The following CDC123 variants were observed in gnomAD, a reference collection of about 807,000 sequenced individuals.
CDC123 encodes cell division cycle 123, also known as translation initiation factor eIF2 assembly protein.
Under a neutral mutation model 54.4 loss-of-function variants are expected in CDC123, and 37 were observed. The ratio of observed to expected loss-of-function variants is 0.68; its 90% confidence interval spans 0.52 to 0.89. CDC123 has a LOEUF of 0.89. Among genes scored for constraint, CDC123 ranks in the 40% least tolerant of loss-of-function variants. CDC123 has a pLI of 0.00. For synonymous variants in CDC123, 144 were observed against 136.8 expected, an observed-to-expected ratio of 1.05 and a Z score of -0.37; for missense variants, 361 against 412.1, an observed-to-expected ratio of 0.88 and a Z score of 1.07.
intron 10 of CDC123, among the ~76,000 whole-genome samples, chr10:12,240,305 C>G (rs1330294448): frequency 6.6e-6 from 1 of 152,124 alleles, no homozygotes; most frequent in African/African-American, 2.4e-5. Flanking sequence ...TGTGAAGAAG[C>G]TAGCAGATGC....
intron 2 of CDC123, among the ~76,000 whole-genome samples, chr10:12,203,505 T>G (rs1835471700): frequency 6.6e-6 from 1 of 152,192 alleles, no homozygotes; most frequent in South Asian, 2.1e-4. Context: ...TAGAGGATTC[T>G]GAGGCTGCAT....
At chr10:12,217,962 G>A (rs1835683477) in intron 6 of CDC123, among the ~76,000 whole-genome samples, 1 of 152,064 alleles carries the variant, frequency 6.6e-6, no homozygotes, top group African/African-American at 2.4e-5. Context: ...GGTGGCACGT[G>A]CCTATAGTCT....
rs1334704684 is a variant in CDC123 at position 12,249,707 on chromosome 10, T to C, written c.973T>C (p.Phe325Leu). The part of the protein sequence containing the change: ...TGEDAHKLID[F>L]LKLKRNQQED... The stretch of plus-strand genomic sequence containing the variant: ...GGAGGACGCTCACAAGCTAATAGAC[T>C]TCCTTAAGCTGGTAAAGTCTATGTG... The change falls in exon 12 of 13, where the codon TTC (phenylalanine) becomes CTC (leucine). Residue 325 changes from phenylalanine (F) to leucine (L), a missense_variant. Coordinates refer to ENST00000281141, the MANE Select transcript of CDC123 (RefSeq NM_006023.3). The C allele has an allele frequency of 1.9e-6, 3 of 1,608,404 alleles. No homozygotes were observed. The highest frequency in any genetic ancestry group is 2.2e-5 in the South Asian group (2 of 89,606).
At position 12,217,325 on chromosome 10, in the gene CDC123, G is replaced by C. The variant is rs1835675680; in HGVS notation, c.334-36G>C. 4 of 1,589,368 alleles carry C rather than the reference G, an allele frequency of 2.5e-6. No individual in the cohort carries two copies. In the South Asian group the frequency reaches 4.5e-5, roughly 18 times the overall value. On this transcript the variant is annotated intron_variant, in intron 5 of 12. Transcript: ENST00000281141. ...CTGAGCATTCATAGCAGCCAACATG[G>C]AATATGGACTAAATAGCATGTGCTT...
intron 4 of CDC123, among the ~76,000 whole-genome samples, chr10:12,211,377 A>G (rs1835598434): frequency 6.6e-6 from 1 of 152,170 alleles, no homozygotes; most frequent in African/African-American, 2.4e-5. Context: ...TTAATGAACA[A>G]GATATGATTG....
intron 7 of CDC123, among the ~76,000 whole-genome samples, chr10:12,234,724 T>G (rs1480307558): frequency 6.6e-6 from 1 of 151,930 alleles, no homozygotes; most frequent in African/African-American, 2.4e-5. Context: ...AGATCACAAC[T>G]CTATTCCCTA....
intron 7 of CDC123, among the ~76,000 whole-genome samples, chr10:12,231,628 A>AG (rs1835903274): frequency 7.0e-6 from 1 of 142,928 alleles, no homozygotes; most frequent in Admixed American, 6.8e-5. Flanking sequence ...TCCGTCTCAA[A>AG]AAAAAAAAAA....
At chr10:12,219,155 C>T (rs933585462) in intron 6 of CDC123, among the ~76,000 whole-genome samples, 9 of 152,156 alleles carry the variant, frequency 5.9e-5, no homozygotes, top group East Asian at 3.8e-4. Context: ...CACTACGTGT[C>T]GGTCGTGCAT....
At chr10:12,212,130 T>C (rs1835611048) in intron 4 of CDC123, among the ~76,000 whole-genome samples, 1 of 152,134 alleles carries the variant, frequency 6.6e-6, no homozygotes, top group Non-Finnish European at 1.5e-5. Context: ...AGATGATAGA[T>C]ACAGCAATTA....
intron 8 of CDC123, among the ~76,000 whole-genome samples, chr10:12,236,599 TAAA>T (rs534845759): frequency 1.6e-5 from 2 of 128,916 alleles, no homozygotes; most frequent in African/African-American, 2.8e-5. Flanking sequence ...ACACTGTCTC[TAAA>T]AAAAAAAAAA....
Position 12,233,553 on chromosome 10 carries a change from CTTAT to C in CDC123, c.490-1488_490-1485del, listed in dbSNP as rs139318387. Among the ~76,000 whole-genome samples the C allele has an allele frequency of 9.6e-3, 1,458 of 152,000 alleles. 25 individuals carry two copies. Among genetic ancestry groups the C allele is most frequent in the African/African-American group, 0.032 (1,334 of 41,438 alleles). On this transcript the variant is annotated intron_variant, in intron 7 of 12. Coordinates refer to ENST00000281141, the MANE Select transcript of CDC123 (RefSeq NM_006023.3). ...TCCAATAAATTGTGTGCTACAATTG[CTTAT>C]TTATTTGTTGCTAAGTAAAACCACT...
At position 12,198,692 on chromosome 10, in the gene CDC123, G is replaced by GTT. The variant is rs150891932; in HGVS notation, c.75-4_75-3dup. 1.3e-4 allele frequency: 167 copies of GTT among 1,279,054 alleles called. No homozygotes were observed. The highest frequency in any genetic ancestry group is 8.0e-4 in the East Asian group (28 of 35,202). The allele number at this position is 1,279,054 out of a possible 1,614,324, so 79.2% of individuals were successfully genotyped here. A position where few individuals can be genotyped will look rare whatever the true frequency, so the allele number is the denominator to read the frequency against. On this transcript the variant is annotated splice_polypyrimidine_tract_variant and intron_variant, in intron 1 of 12. Coordinates refer to ENST00000281141, the MANE Select transcript of CDC123 (RefSeq NM_006023.3). ...CTTTTAAAATGATGCCTTTTTTGGT[G>GTT]TTTTTTTTTTAGTGTCATTCTTCCA...
At chr10:12,238,729 A>T (rs1282849870) in intron 10 of CDC123, among the ~76,000 whole-genome samples, 1 of 152,016 alleles carries the variant, frequency 6.6e-6, no homozygotes, top group African/African-American at 2.4e-5. Flanking sequence ...TTAAAAAAAA[A>T]TTAGCCCAGG....
intron 10 of CDC123, among the ~76,000 whole-genome samples, chr10:12,243,129 TG>T (rs5783244): frequency 0.43 from 65,382 of 151,666 alleles, 15,509 homozygotes; most frequent in Middle Eastern, 0.56. Flanking sequence ...CTGGGTACAG[TG>T]GCTCACGCCT....
intron 10 of CDC123, among the ~76,000 whole-genome samples, chr10:12,239,323 C>T (rs1476082161): frequency 1.3e-5 from 2 of 152,300 alleles, no homozygotes; most frequent in South Asian, 2.1e-4. Context: ...TGAGCACTTA[C>T]GTCCTATGTC....
intron 4 of CDC123, among the ~76,000 whole-genome samples, chr10:12,214,716 G>A (rs1835641934): frequency 6.6e-6 from 1 of 151,958 alleles, no homozygotes; most frequent in Non-Finnish European, 1.5e-5. Flanking sequence ...CGCATAGCTG[G>A]GTTAGATCTT....
intron 2 of CDC123, among the ~76,000 whole-genome samples, chr10:12,201,661 G>A (rs1190650781): frequency 6.6e-6 from 1 of 152,170 alleles, no homozygotes; most frequent in Non-Finnish European, 1.5e-5. Flanking sequence ...TTAAGATTAG[G>A]GGTGTGTGTG....
intron 4 of CDC123, 43 bp from the exon 5 acceptor site, chr10:12,215,697 G>A (rs2131740504): frequency 8.5e-7 from 1 of 1,172,114 alleles, no homozygotes; most frequent in African/African-American, 1.5e-5. Context: ...TATATATACT[G>A]TGATGATATT....
chr10:12,222,014 G>A (rs1442677635), intron 6 of CDC123, among the ~76,000 whole-genome samples: 1 of 152,180 alleles, frequency 6.6e-6, no homozygotes, highest in African/African-American at 2.4e-5. Flanking sequence ...CAGGCCTGGA[G>A]GGGGCCTAAG....
Sources: gnomAD v4.1 joint callset for allele counts (sites outside exome capture counted in the v4.1 genomes callset) on GRCh38, gnomAD v4.1.1 for gene constraint, MANE v1.5 for transcripts, NCBI Gene and HGNC (gene_info 2026-07-23, HGNC 2026-07-21) for gene names.